Variants in MAPK8 observed in about 807,000 individuals in gnomAD.
MAPK8 encodes mitogen-activated protein kinase 8, also known as JUN N-terminal kinase.
MAPK8 carries 13 observed loss-of-function variants against 52.9 expected under a neutral mutation model. That is an observed-to-expected ratio of 0.25 (90% CI 0.16 to 0.39). The LOEUF is 0.39. Among genes scored for constraint, MAPK8 ranks in the 10% least tolerant of loss-of-function variants. The probability of loss-of-function intolerance (pLI) is 1.00; values close to 1 mark genes in which losing one functional copy is unlikely to be tolerated. For missense variants in MAPK8, 300 were observed against 519.2 expected (o/e 0.58, Z 4.10); for synonymous variants, 191 against 169.8 (o/e 1.12, Z -0.97).
intron 1 of MAPK8, among the ~76,000 whole-genome samples, chr10:48,340,352 A>G (rs1845133247): frequency 6.6e-6 from 1 of 152,200 alleles, no homozygotes; most frequent in Non-Finnish European, 1.5e-5. Flanking sequence ...GTGGGTACAC[A>G]TGGACGCAAA....
At chr10:48,413,818 TA>T (rs2042898647) in intron 5 of MAPK8, among the ~76,000 whole-genome samples, 3 of 58,898 alleles carry the variant, frequency 5.1e-5, no homozygotes, top group East Asian at 4.7e-4. Flanking sequence ...AGAATTGTTA[TA>T]TATATATATA....
chr10:48,349,976 A>G (rs755325100), intron 1 of MAPK8, among the ~76,000 whole-genome samples: 1 of 152,244 alleles, frequency 6.6e-6, no homozygotes, highest in Non-Finnish European at 1.5e-5. Flanking sequence ...CCGTCAGAGA[A>G]TACTATAAAC....
At chr10:48,414,928 C>T (rs765742454) in intron 5 of MAPK8, among the ~76,000 whole-genome samples, 4 of 151,970 alleles carry the variant, frequency 2.6e-5, no homozygotes, top group African/African-American at 4.8e-5. Flanking sequence ...CATCTTCCTT[C>T]TGAGTCATCT....
At chr10:48,335,045 C>T (rs1442383666) in intron 1 of MAPK8, among the ~76,000 whole-genome samples, 1 of 152,150 alleles carries the variant, frequency 6.6e-6, no homozygotes, top group Non-Finnish European at 1.5e-5. Context: ...TGGGCTGACC[C>T]CTCCTCTACA....
At chr10:48,425,401 C>T (rs923698188) in intron 7 of MAPK8, 3 of 440,116 alleles carry the variant, frequency 6.8e-6, no homozygotes, top group Middle Eastern at 3.7e-4. Flanking sequence ...CCACTTTTAT[C>T]GAAGCCTTTA....
At chr10:48,322,501 A>T (rs1310863430) in intron 1 of MAPK8, among the ~76,000 whole-genome samples, 1 of 152,188 alleles carries the variant, frequency 6.6e-6, no homozygotes, top group Non-Finnish European at 1.5e-5. Context: ...ATCTTAATCC[A>T]GTCAGAGACT....
At chr10:48,349,606 G>A (rs979435756) in intron 1 of MAPK8, among the ~76,000 whole-genome samples, 2 of 152,210 alleles carry the variant, frequency 1.3e-5, no homozygotes, top group African/African-American at 4.8e-5. Flanking sequence ...GAATCTCTGG[G>A]ACACAGCTAA....
intron 1 of MAPK8, among the ~76,000 whole-genome samples, chr10:48,359,879 G>A (rs909519561): frequency 6.6e-6 from 1 of 152,158 alleles, no homozygotes; most frequent in East Asian, 1.9e-4. Context: ...GACACAGAAA[G>A]CATGAAAAGG....
At chr10:48,385,946 T>C (rs75314252) in intron 1 of MAPK8, among the ~76,000 whole-genome samples, 1 of 152,194 alleles carries the variant, frequency 6.6e-6, no homozygotes, top group African/African-American at 2.4e-5. Flanking sequence ...AATCTTTTTT[T>C]CTAAAAACTA....
intron 1 of MAPK8, among the ~76,000 whole-genome samples, chr10:48,324,667 A>G (rs1843322168): frequency 9.1e-6 from 1 of 109,572 alleles, no homozygotes; most frequent in African/African-American, 3.9e-5. Flanking sequence ...TTGAGCCTAA[A>G]GACTGGATTA....
chr10:48,321,682 T>C (rs546286574), intron 1 of MAPK8, among the ~76,000 whole-genome samples: 1 of 152,360 alleles, frequency 6.6e-6, no homozygotes, highest in East Asian at 1.9e-4. Flanking sequence ...GTTAATTTTA[T>C]GGTGTATGGT....
At chr10:48,412,081 A>G (rs1458792873) in intron 5 of MAPK8, among the ~76,000 whole-genome samples, 3 of 152,156 alleles carry the variant, frequency 2.0e-5, no homozygotes, top group Non-Finnish European at 4.4e-5. Flanking sequence ...CCTGACCTCA[A>G]GTGATCTGCC....
rs2044747958 is a variant in MAPK8 at position 48,435,076 on chromosome 10, A to G, written c.*47A>G. 3 of 1,416,926 alleles carry G rather than the reference A, an allele frequency of 2.1e-6. No homozygotes were observed. The highest frequency in any genetic ancestry group is 2.8e-6 in the Non-Finnish European group (3 of 1,053,882). 87.8% of individuals were successfully genotyped at this position (1,416,926 alleles called of 1,614,324 possible). A position where few individuals can be genotyped will look rare whatever the true frequency, so the allele number is the denominator to read the frequency against. Reference sequence around the variant, plus strand: ...GGGAGGGATGGGGAGTCGGTTAGTCATTGATAGAACTACTTTGAAAACAAT... The same window carrying G: ...GGGAGGGATGGGGAGTCGGTTAGTCGTTGATAGAACTACTTTGAAAACAAT... On this transcript the variant is annotated 3_prime_UTR_variant, in exon 12 of 12. Transcript: ENST00000374189.
intron 1 of MAPK8, among the ~76,000 whole-genome samples, chr10:48,334,599 C>T (rs1679877357): frequency 6.6e-6 from 1 of 152,162 alleles, no homozygotes; most frequent in Admixed American, 6.6e-5. Context: ...TTGTCTATGG[C>T]CTTTGCAAGG....
intron 7 of MAPK8, chr10:48,425,560 C>A: frequency 3.1e-6 from 1 of 322,480 alleles, no homozygotes; most frequent in Non-Finnish European, 5.6e-6. Flanking sequence ...GCATTGTGTG[C>A]AGTTTGCAGT....
chr10:48,401,554 A>G (rs1233838385), intron 1 of MAPK8, 58 bp from the exon 2 acceptor site: 29 of 1,245,440 alleles, frequency 2.3e-5, no homozygotes, highest in Middle Eastern at 4.2e-4. Context: ...TAAGGACTCA[A>G]ATTTTAAGAT....
At chr10:48,389,177 G>T (rs1044460320) in intron 1 of MAPK8, among the ~76,000 whole-genome samples, 6 of 152,126 alleles carry the variant, frequency 3.9e-5, no homozygotes, top group African/African-American at 7.2e-5. Flanking sequence ...TGAAATAGAT[G>T]CATTTGTATG....
In MAPK8 at chr10:48,427,027, G is replaced by A. The variant is rs893162063; in HGVS notation, c.997-53G>A. 10 of 1,337,540 alleles carry A rather than the reference G, an allele frequency of 7.5e-6. No homozygotes were observed. The Middle Eastern group carries it at 1.3e-3, about 169-fold the overall frequency. The allele number at this position is 1,337,540 out of a possible 1,614,324, so 82.9% of individuals were successfully genotyped here. A position where few individuals can be genotyped will look rare whatever the true frequency, so the allele number is the denominator to read the frequency against. ...GGCTAATATTTCAAATAACTACAGAGTTAAAATACTCCCAGCATACTGACT... is the reference window on the plus strand; with the variant it reads ...GGCTAATATTTCAAATAACTACAGAATTAAAATACTCCCAGCATACTGACT... On this transcript the variant is annotated intron_variant, in intron 9 of 11. Transcript: ENST00000374189.
At chr10:48,426,898 A>G in intron 9 of MAPK8, 182 bp from the exon 10 acceptor site, 2 of 532,060 alleles carry the variant, frequency 3.8e-6, no homozygotes, top group Non-Finnish European at 6.7e-6. Context: ...TAAACATTTT[A>G]TTTCCTGCAA....
Sources: gnomAD v4.1 joint callset for allele counts (sites outside exome capture counted in the v4.1 genomes callset) on GRCh38, gnomAD v4.1.1 for gene constraint, MANE v1.5 for transcripts, NCBI Gene and HGNC (gene_info 2026-07-23, HGNC 2026-07-21) for gene names.